The following MACROD2 variants were observed in gnomAD, a reference collection of about 807,000 sequenced individuals.
MACROD2 encodes the protein mono-ADP ribosylhydrolase 2, also known as ADP-ribose glycohydrolase MACROD2.
A neutral mutation model predicts 70.4 loss-of-function variants in MACROD2; 36 were observed. That is an observed-to-expected ratio of 0.51 (90% CI 0.39 to 0.68). MACROD2 has a LOEUF of 0.68. MACROD2 is among the 30% of genes least tolerant of loss of function. MACROD2 has a pLI of 0.00. For synonymous variants in MACROD2, 172 were observed against 178.8 expected (o/e 0.96, Z 0.30); for missense variants, 496 against 538.4 (o/e 0.92, Z 0.78).
intron 3 of MACROD2, among the ~76,000 whole-genome samples, chr20:14,336,744 T>C (rs204605): frequency 0.69 from 105,414 of 152,078 alleles, 37,105 homozygotes; most frequent in Non-Finnish European, 0.75. Context: ...TGGATTTTGG[T>C]GTTCTATTGA....
chr20:14,470,763 C>T (rs2423785), intron 3 of MACROD2, among the ~76,000 whole-genome samples: 144,923 of 152,174 alleles, frequency 0.95, 69,450 homozygotes, highest in East Asian at 1. Flanking sequence ...TAATGGTGGA[C>T]GCCCCTTCCC....
intron 5 of MACROD2, among the ~76,000 whole-genome samples, chr20:15,182,683 C>T (rs555404915): frequency 8.5e-5 from 13 of 152,106 alleles, no homozygotes; most frequent in Non-Finnish European, 1.8e-4. Context: ...TCCTGATTTG[C>T]CGTGGAGAAA....
intron 10 of MACROD2, among the ~76,000 whole-genome samples, chr20:15,909,637 C>A (rs931528050): frequency 2.9e-4 from 43 of 150,280 alleles, no homozygotes; most frequent in Non-Finnish European, 5.3e-4. Context: ...CATTCTCCTG[C>A]CTCAGCCTCC....
intron 6 of MACROD2, among the ~76,000 whole-genome samples, chr20:15,257,603 T>G (rs984553139): frequency 2.0e-5 from 3 of 152,076 alleles, no homozygotes; most frequent in African/African-American, 7.2e-5. Flanking sequence ...AATTTCTATC[T>G]TCTTAAGGTT....
intron 5 of MACROD2, among the ~76,000 whole-genome samples, chr20:14,878,376 A>G (rs2073573338): frequency 6.6e-6 from 1 of 152,188 alleles, no homozygotes; most frequent in African/African-American, 2.4e-5. Flanking sequence ...AAGAGTGTCA[A>G]AGCATGATTA....
intron 3 of MACROD2, among the ~76,000 whole-genome samples, chr20:14,097,869 C>A (rs1402110481): frequency 6.6e-6 from 1 of 152,086 alleles, no homozygotes; most frequent in Non-Finnish European, 1.5e-5. Flanking sequence ...TACTTTTGTG[C>A]AATAAACAAA....
At chr20:15,365,957 G>A (rs1323199515) in intron 6 of MACROD2, among the ~76,000 whole-genome samples, 1 of 152,196 alleles carries the variant, frequency 6.6e-6, no homozygotes, top group African/African-American at 2.4e-5. Context: ...AGATTCCAGA[G>A]TGATTGTTCA....
rs1247661121 is a variant in MACROD2, at chr20:15,986,806, T to C, written c.1060+5T>C. On this transcript the variant is annotated splice_donor_5th_base_variant and intron_variant, in intron 14 of 17. Transcript: ENST00000684519. ...GCTCATATATGGAAACAGAAGGTAC[T>C]GAAACCAAAATATATTGTTATCAGA... 1.2e-6 allele frequency: 2 copies of C among 1,600,398 alleles called. No homozygotes were observed. The highest frequency in any genetic ancestry group is 1.7e-6 in the Non-Finnish European group (2 of 1,168,380).
chr20:14,932,416 C>G (rs972607658), intron 5 of MACROD2, among the ~76,000 whole-genome samples: 9 of 152,134 alleles, frequency 5.9e-5, no homozygotes, highest in Non-Finnish European at 1.2e-4. Context: ...CTACATCTCT[C>G]TTTCCTTCCC....
intron 8 of MACROD2, among the ~76,000 whole-genome samples, chr20:15,713,607 T>A (rs79996199): frequency 0.024 from 3,689 of 152,102 alleles, 171 homozygotes; most frequent in African/African-American, 0.085. Flanking sequence ...GAGAACTCTA[T>A]CATGAGATGG....
At chr20:14,517,876 T>A (rs1411452711) in intron 4 of MACROD2, among the ~76,000 whole-genome samples, 1 of 152,132 alleles carries the variant, frequency 6.6e-6, no homozygotes, top group Non-Finnish European at 1.5e-5. Flanking sequence ...TTAACCAATA[T>A]TTTGTCTATT....
At chr20:15,736,310 G>C (rs1418555829) in intron 8 of MACROD2, among the ~76,000 whole-genome samples, 5 of 152,192 alleles carry the variant, frequency 3.3e-5, no homozygotes, top group Non-Finnish European at 5.9e-5. Context: ...TAACTGTGGT[G>C]GTTTTAGGAA....
intron 5 of MACROD2, among the ~76,000 whole-genome samples, chr20:14,869,347 G>A (rs1003758537): frequency 6.6e-6 from 1 of 152,054 alleles, no homozygotes; most frequent in South Asian, 2.1e-4. Context: ...AGTTGGAAGG[G>A]GTTTTATATA....
intron 4 of MACROD2, among the ~76,000 whole-genome samples, chr20:14,629,511 G>A (rs1309425990): frequency 2.6e-5 from 4 of 152,156 alleles, no homozygotes; most frequent in African/African-American, 9.7e-5. Flanking sequence ...TTATTTGGGA[G>A]GATGTTAAAT....
chr20:14,827,879 C>T (rs184204805), intron 5 of MACROD2, among the ~76,000 whole-genome samples: 1 of 152,050 alleles, frequency 6.6e-6, no homozygotes, highest in East Asian at 1.9e-4. Context: ...TAATTTTTTA[C>T]ATACTATCTA....
At chr20:14,848,662 G>C (rs1308215105) in intron 5 of MACROD2, among the ~76,000 whole-genome samples, 1 of 152,060 alleles carries the variant, frequency 6.6e-6, no homozygotes, top group Non-Finnish European at 1.5e-5. Flanking sequence ...ATTGCTGCTT[G>C]TTAAAATCAT....
intron 5 of MACROD2, among the ~76,000 whole-genome samples, chr20:15,061,072 C>G (rs946595529): frequency 6.6e-6 from 1 of 152,104 alleles, no homozygotes; most frequent in Non-Finnish European, 1.5e-5. Flanking sequence ...TGAGGGGGGA[C>G]AGAATGATTT....
intron 8 of MACROD2, among the ~76,000 whole-genome samples, chr20:15,551,083 G>A (rs1010204534): frequency 6.6e-6 from 1 of 152,318 alleles, no homozygotes; most frequent in East Asian, 1.9e-4. Context: ...TTCCATGTGG[G>A]TGTAGGGAAG....
chr20:15,994,655 G>T (rs967842027), intron 15 of MACROD2, among the ~76,000 whole-genome samples: 1 of 152,148 alleles, frequency 6.6e-6, no homozygotes. Context: ...TCATTGGCTT[G>T]TAAGTCTCTT....
Sources: allele counts gnomAD v4.1 joint callset (sites outside exome capture counted in the v4.1 genomes callset), GRCh38; gene constraint gnomAD v4.1.1; transcripts MANE v1.5; gene names NCBI Gene and HGNC (gene_info 2026-07-23, HGNC 2026-07-21).